FGGY: variants seen among roughly 807,000 people sequenced by gnomAD.
The protein encoded by FGGY is FGGY carbohydrate kinase domain-containing protein.
In FGGY, 72 loss-of-function variants were observed where a neutral mutation model predicts 71.3. The ratio of observed to expected loss-of-function variants is 1.01; its 90% CI spans 0.84 to 1.23. FGGY has a LOEUF of 1.23. Among genes scored for constraint, FGGY ranks in the 50% most tolerant of loss-of-function variants. The pLI is 0.00. For synonymous variants in FGGY, 251 were observed against 250.3 expected, an observed-to-expected ratio of 1.00 and a Z score of -0.02; for missense variants, 668 against 682.3, an observed-to-expected ratio of 0.98 and a Z score of 0.23.
At position 59,455,659 on chromosome 1, in the gene FGGY, A is replaced by G. The variant is rs76435644; in HGVS notation, c.555-1302A>G. On this transcript the variant is annotated intron_variant, in intron 5 of 15. Transcript: ENST00000303721. ...AATATGGAGAACAGATTATAAGGCA[A>G]TAAGACTGTAGGGGAGCAATATGAA... is the stretch of plus-strand genomic sequence containing the variant. Among the ~76,000 whole-genome samples, 1,132 of 152,346 alleles carry G rather than the reference A, an allele frequency of 7.4e-3. 8 individuals are homozygous for G. Among genetic ancestry groups the G allele is most frequent in the Admixed American group, 0.016 (245 of 15,306 alleles).
intron 1 of FGGY, among the ~76,000 whole-genome samples, chr1:59,319,061 C>G (rs1415086361): frequency 6.6e-6 from 1 of 152,226 alleles, no homozygotes; most frequent in African/African-American, 2.4e-5. Context: ...CCTGGTGTTA[C>G]TGTCTTCTGC....
At chr1:59,741,121 A>T (rs2098143268) in intron 14 of FGGY, among the ~76,000 whole-genome samples, 2 of 152,196 alleles carry the variant, frequency 1.3e-5, no homozygotes, top group South Asian at 4.1e-4. Flanking sequence ...TGCTGCTGTA[A>T]ACCTTTCATC....
intron 1 of FGGY, among the ~76,000 whole-genome samples, chr1:59,302,678 A>G (rs1325614954): frequency 5.3e-5 from 8 of 152,210 alleles, no homozygotes; most frequent in Non-Finnish European, 1.2e-4. Flanking sequence ...GGTTAGATCT[A>G]CTTGAGGGGG....
chr1:59,657,752 C>T (rs2097234368), intron 11 of FGGY, among the ~76,000 whole-genome samples: 2 of 152,152 alleles, frequency 1.3e-5, no homozygotes, highest in Non-Finnish European at 2.9e-5. Flanking sequence ...AAGACAAAGG[C>T]TCTATATGAG....
chr1:59,613,345 A>C (rs2096711811), intron 9 of FGGY, among the ~76,000 whole-genome samples: 1 of 152,178 alleles, frequency 6.6e-6, no homozygotes, highest in Non-Finnish European at 1.5e-5. Flanking sequence ...TCAGAAACTC[A>C]CTCAAAACCA....
chr1:59,566,399 A>G (rs2095873413), intron 8 of FGGY, among the ~76,000 whole-genome samples: 1 of 152,020 alleles, frequency 6.6e-6, no homozygotes. Flanking sequence ...TTTTTCATAC[A>G]TTACATTTTT....
intron 6 of FGGY, among the ~76,000 whole-genome samples, chr1:59,488,448 T>C (rs903259033): frequency 3.3e-5 from 5 of 150,190 alleles, no homozygotes; most frequent in African/African-American, 1.2e-4. Context: ...AAGAGATGGC[T>C]AATTTTTTGT....
rs551826269 is a variant in FGGY, at chr1:59,339,685, G to A, written c.202-273G>A. On this transcript the variant is annotated intron_variant, in intron 2 of 15. Transcript: ENST00000303721. ...TCACTGTGTTGGCCAGGCTGGTCTTGAACTCCTGACCTTGTGATCTACCCA... is the reference window on the plus strand; with the variant it reads ...TCACTGTGTTGGCCAGGCTGGTCTTAAACTCCTGACCTTGTGATCTACCCA... 5.9e-5 allele frequency among the ~76,000 whole-genome samples: 9 copies of A among 152,056 alleles called. No individual in the cohort carries two copies. In the South Asian group the frequency reaches 6.2e-4, roughly 11 times the overall value.
At chr1:59,368,232 A>C (rs1365869827) in intron 4 of FGGY, among the ~76,000 whole-genome samples, 1 of 152,190 alleles carries the variant, frequency 6.6e-6, no homozygotes, top group Admixed American at 6.5e-5. Context: ...TGATAAGTAC[A>C]TAGGAGTTAC....
intron 7 of FGGY, among the ~76,000 whole-genome samples, chr1:59,526,440 T>C (rs2094982184): frequency 6.6e-6 from 1 of 152,240 alleles, no homozygotes; most frequent in African/African-American, 2.4e-5. Flanking sequence ...AATACCAGGA[T>C]GAAGATGACC....
chr1:59,442,038 T>C (rs1208947464), intron 5 of FGGY, among the ~76,000 whole-genome samples: 2 of 152,238 alleles, frequency 1.3e-5, no homozygotes, highest in Non-Finnish European at 2.9e-5. Context: ...TCTTCCTCTG[T>C]TGTTCCTCTT....
intron 14 of FGGY, among the ~76,000 whole-genome samples, chr1:59,717,943 A>G (rs1558892665): frequency 6.6e-6 from 1 of 152,174 alleles, no homozygotes; most frequent in Non-Finnish European, 1.5e-5. Flanking sequence ...TTCTTTGTAT[A>G]GCTGGGGAGA....
intron 3 of FGGY, among the ~76,000 whole-genome samples, chr1:59,341,485 G>T (rs2050680350): frequency 6.6e-6 from 1 of 152,202 alleles, no homozygotes; most frequent in African/African-American, 2.4e-5. Context: ...AGAGCACAGT[G>T]GTAATGATGA....
At chr1:59,555,765 C>T (rs868383171) in intron 8 of FGGY, among the ~76,000 whole-genome samples, 1 of 152,090 alleles carries the variant, frequency 6.6e-6, no homozygotes, top group Non-Finnish European at 1.5e-5. Flanking sequence ...TTTGGGAGGC[C>T]GAGGTGGGTG....
intron 8 of FGGY, among the ~76,000 whole-genome samples, chr1:59,560,312 A>C (rs2153715829): frequency 6.6e-6 from 1 of 152,330 alleles, no homozygotes; most frequent in South Asian, 2.1e-4. Flanking sequence ...AGGGAAAGTC[A>C]GAGAAACTAT....
At chr1:59,372,458 A>C (rs1174269404) in intron 4 of FGGY, among the ~76,000 whole-genome samples, 2 of 152,240 alleles carry the variant, frequency 1.3e-5, no homozygotes, top group Non-Finnish European at 2.9e-5. Context: ...AGATGGATTC[A>C]CAGCCGAATT....
chr1:59,411,677 T>C (rs1032345299), intron 5 of FGGY, among the ~76,000 whole-genome samples: 1 of 152,254 alleles, frequency 6.6e-6, no homozygotes, highest in African/African-American at 2.4e-5. Context: ...CATTCAGTTG[T>C]TTATTTGTAT....
chr1:59,500,498 A>C (rs1175441686), intron 6 of FGGY, among the ~76,000 whole-genome samples: 3 of 152,154 alleles, frequency 2.0e-5, no homozygotes. Flanking sequence ...TGCCTCTTAT[A>C]GATGGCTTTT....
intron 6 of FGGY, among the ~76,000 whole-genome samples, chr1:59,495,285 TG>T (rs1190834449): frequency 6.6e-6 from 1 of 152,178 alleles, no homozygotes; most frequent in Non-Finnish European, 1.5e-5. Flanking sequence ...GTAGGTTGAC[TG>T]TTTACTCTAT....
Sources: gnomAD v4.1 joint callset for allele counts (sites outside exome capture counted in the v4.1 genomes callset) on GRCh38, gnomAD v4.1.1 for gene constraint, MANE v1.5 for transcripts, NCBI Gene and HGNC (gene_info 2026-07-23, HGNC 2026-07-21) for gene names.